SHISA6: variants seen among roughly 807,000 people sequenced by gnomAD.
SHISA6 encodes shisa family member 6.
SHISA6 carries 22 observed loss-of-function variants against 47.9 expected under a neutral mutation model. The observed-to-expected ratio is 0.46, with a 90% CI of 0.33 to 0.66. The LOEUF is 0.66. Among genes scored for constraint, SHISA6 ranks in the 30% least tolerant of loss-of-function variants. The pLI is 0.02. For synonymous variants in SHISA6, 388 were observed against 337.8 expected (o/e 1.15, Z -1.63); for missense variants, 680 against 764.6 (o/e 0.89, Z 1.30).
intron 2 of SHISA6, among the ~76,000 whole-genome samples, chr17:11,376,371 A>T (rs1424843614): frequency 6.9e-6 from 1 of 145,420 alleles, no homozygotes; most frequent in Non-Finnish European, 1.5e-5. Flanking sequence ...GGCCTGGAGT[A>T]CAGTGGCGCG....
intron 3 of SHISA6, among the ~76,000 whole-genome samples, chr17:11,428,616 G>A (rs1302241187): frequency 6.6e-6 from 1 of 152,130 alleles, no homozygotes; most frequent in African/African-American, 2.4e-5. Flanking sequence ...AAAACTTGGT[G>A]GCTTAAAGCA....
chr17:11,311,686 T>C (rs1397971777), intron 2 of SHISA6, among the ~76,000 whole-genome samples: 1 of 152,224 alleles, frequency 6.6e-6, no homozygotes, highest in African/African-American at 2.4e-5. Context: ...ATAACTACTC[T>C]GATGAGTTTT....
At chr17:11,332,989 C>G (rs1261111389) in intron 2 of SHISA6, among the ~76,000 whole-genome samples, 1 of 152,184 alleles carries the variant, frequency 6.6e-6, no homozygotes, top group Admixed American at 6.5e-5. Context: ...ATCCAGGAGC[C>G]TGCAGAGCAG....
intron 2 of SHISA6, among the ~76,000 whole-genome samples, chr17:11,267,591 T>G (rs1908473567): frequency 6.6e-6 from 1 of 152,194 alleles, no homozygotes. Flanking sequence ...GTGGTTCTCC[T>G]GTCCAGAAAA....
At position 11,277,280 on chromosome 17, in the gene SHISA6, T is replaced by TCACACACACACACA. The variant is rs113287260; in HGVS notation, c.799+13780_799+13793dup. ...CTCTCTCTCTCTCTCTCTCTCTCTC[T>TCACACACACACACA]CACACACACACACACACACACACAC... On this transcript the variant is annotated intron_variant, in intron 2 of 5. Transcript: ENST00000441885. Among the ~76,000 whole-genome samples, 29 of 53,914 alleles carry TCACACACACACACA rather than the reference T, an allele frequency of 5.4e-4. 1 individual carries two copies. Among genetic ancestry groups the TCACACACACACACA allele is most frequent in the South Asian group, 2.2e-3 (2 of 910 alleles). The allele number at this position is 53,914 out of a possible 152,430, so 35.4% of individuals were successfully genotyped here. A position where few individuals can be genotyped will look rare whatever the true frequency, so the allele number is the denominator to read the frequency against.
intron 3 of SHISA6, among the ~76,000 whole-genome samples, chr17:11,525,878 G>A (rs992418426): frequency 1.3e-5 from 2 of 151,758 alleles, no homozygotes; most frequent in Non-Finnish European, 2.9e-5. Flanking sequence ...GCATGGTGGT[G>A]CACACCTGTA....
At chr17:11,440,410 C>T (rs1915062676) in intron 3 of SHISA6, among the ~76,000 whole-genome samples, 1 of 151,920 alleles carries the variant, frequency 6.6e-6, no homozygotes, top group Non-Finnish European at 1.5e-5. Context: ...TTCCTGCTTT[C>T]ACCTTTGACC....
Position 11,241,370 on chromosome 17 carries a change from G to T in SHISA6, c.-53G>T. Reference sequence around the variant, plus strand: ...GCGGGTCCTCCGAGCCCGGCCCGCCGGGGGAGCGGCCTGCCGCGGAAGCCT... The same window carrying T: ...GCGGGTCCTCCGAGCCCGGCCCGCCTGGGGAGCGGCCTGCCGCGGAAGCCT... On this transcript the variant is annotated 5_prime_UTR_variant, in exon 1 of 6. Coordinates refer to ENST00000441885, the MANE Select transcript of SHISA6 (RefSeq NM_207386.4). This position sits in a 1 kb window ranked among gnomAD's most constrained non-coding sequence, Gnocchi z 5.5. 9.8e-7 allele frequency: 1 copy of T among 1,016,944 alleles called. No individual in the cohort carries two copies. Among genetic ancestry groups the T allele is most frequent in the Non-Finnish European group, 1.2e-6 (1 of 852,140 alleles). The allele number at this position is 1,016,944 out of a possible 1,614,324, so 63.0% of individuals were successfully genotyped here.
At chr17:11,496,044 T>C (rs1241195286) in intron 3 of SHISA6, among the ~76,000 whole-genome samples, 1 of 149,036 alleles carries the variant, frequency 6.7e-6, no homozygotes, top group East Asian at 1.9e-4. Flanking sequence ...ACACAACAGA[T>C]TAATGATGGC....
intron 2 of SHISA6, among the ~76,000 whole-genome samples, chr17:11,327,529 A>G (rs1334095041): frequency 1.3e-5 from 2 of 152,178 alleles, no homozygotes; most frequent in Non-Finnish European, 2.9e-5. Context: ...ATATAAATCC[A>G]GTAATACTGA....
At chr17:11,392,636 C>T (rs1913423623) in intron 3 of SHISA6, among the ~76,000 whole-genome samples, 1 of 152,204 alleles carries the variant, frequency 6.6e-6, no homozygotes, top group Non-Finnish European at 1.5e-5. Flanking sequence ...TTGCAGCCAC[C>T]AGAATCGTGA....
Position 11,263,535 on chromosome 17 carries a change from C to T in SHISA6, c.799+9C>T, listed in dbSNP as rs1329535014. 1.4e-5 allele frequency: 22 copies of T among 1,551,556 alleles called. No homozygotes were observed. Among genetic ancestry groups the T allele is most frequent in the Non-Finnish European group, 1.8e-5 (21 of 1,146,890 alleles). ...GGCCAAGCAGACTCCAGGTAAGTAACAGCTGGGCACCTTGATTCTTTGCTG... is the reference window on the plus strand; with the variant it reads ...GGCCAAGCAGACTCCAGGTAAGTAATAGCTGGGCACCTTGATTCTTTGCTG... On this transcript the variant is annotated intron_variant, in intron 2 of 5. Transcript: ENST00000441885.
At chr17:11,495,898 G>A (rs17773884) in intron 3 of SHISA6, among the ~76,000 whole-genome samples, 75 of 152,292 alleles carry the variant, frequency 4.9e-4, no homozygotes, top group Non-Finnish European at 9.3e-4. Context: ...GGAAAGAAGC[G>A]TCAATTATCC....
intron 3 of SHISA6, among the ~76,000 whole-genome samples, chr17:11,460,128 G>A (rs1347774164): frequency 6.6e-6 from 1 of 152,192 alleles, no homozygotes; most frequent in South Asian, 2.1e-4. Flanking sequence ...CAGTGTGCAA[G>A]GCTGTGGAAA....
At chr17:11,365,693 A>G (rs764444936) in intron 2 of SHISA6, among the ~76,000 whole-genome samples, 1 of 152,270 alleles carries the variant, frequency 6.6e-6, no homozygotes, top group Non-Finnish European at 1.5e-5. Flanking sequence ...AACTATCAAC[A>G]GATATATCCT....
At chr17:11,308,119 AG>A (rs1597450832) in intron 2 of SHISA6, among the ~76,000 whole-genome samples, 1 of 152,168 alleles carries the variant, frequency 6.6e-6, no homozygotes, top group Non-Finnish European at 1.5e-5. Flanking sequence ...GGGCAGGGTT[AG>A]GGGGCCTTTA....
intron 2 of SHISA6, among the ~76,000 whole-genome samples, chr17:11,352,506 G>A (rs936295164): frequency 6.6e-6 from 1 of 152,222 alleles, no homozygotes; most frequent in Non-Finnish European, 1.5e-5. Flanking sequence ...GGGGTGGTGA[G>A]CTACCATGTG....
intron 2 of SHISA6, among the ~76,000 whole-genome samples, chr17:11,371,753 C>T (rs928775494): frequency 6.6e-6 from 1 of 151,798 alleles, no homozygotes; most frequent in Non-Finnish European, 1.5e-5. Context: ...AAAAAAATGG[C>T]CCATGAGCCC....
chr17:11,471,650 A>G (rs1170620028), intron 3 of SHISA6, among the ~76,000 whole-genome samples: 3 of 152,194 alleles, frequency 2.0e-5, no homozygotes, highest in East Asian at 3.9e-4. Flanking sequence ...ACAGTCAGTA[A>G]TCAACTTATT....
Sources: allele counts gnomAD v4.1 joint callset (sites outside exome capture counted in the v4.1 genomes callset), GRCh38; gene constraint gnomAD v4.1.1; non-coding constraint Gnocchi (gnomAD v3.1); transcripts MANE v1.5; gene names NCBI Gene and HGNC (gene_info 2026-07-23, HGNC 2026-07-21).